DOCK3: variants seen among roughly 807,000 people sequenced by gnomAD.
DOCK3 encodes dedicator of cytokinesis protein 3.
DOCK3 carries 60 observed loss-of-function variants against 265.6 expected under a neutral mutation model. The ratio of observed to expected loss-of-function variants is 0.23; its 90% CI spans 0.18 to 0.28. The LOEUF is 0.28. DOCK3 is among the 10% of genes least tolerant of loss of function. The pLI is 1.00. For synonymous variants in DOCK3, 881 were observed against 938.0 expected (o/e 0.94, Z 1.11); for missense variants, 1,981 against 2,594.3 (o/e 0.76, Z 5.14).
intron 5 of DOCK3, among the ~76,000 whole-genome samples, chr3:51,049,954 AT>A (rs1437661436): frequency 2.0e-5 from 3 of 152,162 alleles, no homozygotes; most frequent in African/African-American, 7.2e-5. Context: ...AGAAAATCCC[AT>A]TTACAATAGC....
At position 51,021,142 on chromosome 3, in the gene DOCK3, C is replaced by A. The variant is rs543632263; in HGVS notation, c.316-43306C>A. 3.3e-5 allele frequency among the ~76,000 whole-genome samples: 5 copies of A among 151,860 alleles called. No homozygotes were observed. In the East Asian group the frequency reaches 7.7e-4, roughly 23 times the overall value. ...CATTTGTTTTGTCCTCTCTAATTTC[C>A]TTGAGCAGTGTTTTGTAGTTCTCCT... On this transcript the variant is annotated intron_variant, in intron 5 of 52. Coordinates refer to ENST00000266037, the MANE Select transcript of DOCK3 (RefSeq NM_004947.5).
At chr3:50,804,929 AT>A (rs2043324186) in intron 2 of DOCK3, among the ~76,000 whole-genome samples, 1 of 152,186 alleles carries the variant, frequency 6.6e-6, no homozygotes, top group African/African-American at 2.4e-5. Flanking sequence ...GATTTCCCCA[AT>A]TTTGTTGAAT....
At chr3:50,912,078 A>G (rs2049883026) in intron 4 of DOCK3, among the ~76,000 whole-genome samples, 2 of 151,994 alleles carry the variant, frequency 1.3e-5, no homozygotes, top group Non-Finnish European at 2.9e-5. Context: ...TTTCTGGTAG[A>G]GTTTGTAGAG....
chr3:51,214,279 G>T, intron 14 of DOCK3, 32 bp downstream of exon 14: 1 of 1,609,974 alleles, frequency 6.2e-7, no homozygotes, highest in South Asian at 1.1e-5. Flanking sequence ...TGGGAAGGAA[G>T]ATGGGTTAGG....
rs529096054 is a variant in DOCK3 at position 50,935,345 on chromosome 3, T to G, written c.315+1268T>G. ...TCCCCCTCCTACAGTAACAAGGGGA[T>G]GCCCCTCTCCAGTGGAGTCTGTAGA... On this transcript the variant is annotated intron_variant, in intron 5 of 52. Transcript: ENST00000266037. Among the ~76,000 whole-genome samples, 3 of 152,308 alleles carry G rather than the reference T, an allele frequency of 2.0e-5. No homozygotes were observed. The South Asian group carries it at 6.2e-4, about 32-fold the overall frequency.
intron 1 of DOCK3, among the ~76,000 whole-genome samples, chr3:50,743,264 G>T (rs1359806410): frequency 6.6e-6 from 1 of 151,980 alleles, no homozygotes; most frequent in Admixed American, 6.6e-5. Flanking sequence ...GACCATCGAG[G>T]CTAGGAAGAA....
Position 50,675,361 on chromosome 3 carries a change from C to T in DOCK3, c.37+61C>T. 1 of 1,175,438 alleles carries T rather than the reference C, an allele frequency of 8.5e-7. No homozygotes were observed. The highest frequency in any genetic ancestry group is 1.1e-6 in the Non-Finnish European group (1 of 940,870). 72.8% of individuals were successfully genotyped at this position (1,175,438 alleles called of 1,614,324 possible). On this transcript the variant is annotated intron_variant, in intron 1 of 52. Coordinates refer to ENST00000266037, the MANE Select transcript of DOCK3 (RefSeq NM_004947.5). This position sits in a 1 kb window ranked among gnomAD's most constrained non-coding sequence, Gnocchi z 6.1. ...CTGGGGGACGCGCCCAGCTCCCGGC[C>T]CCGCCTGGATTCGCATCCTCGTGCC...
intron 2 of DOCK3, among the ~76,000 whole-genome samples, chr3:50,802,420 A>C (rs1273922401): frequency 6.6e-6 from 1 of 152,092 alleles, no homozygotes; most frequent in Non-Finnish European, 1.5e-5. Context: ...TCCAGATATA[A>C]GACTCTCTTG....
intron 1 of DOCK3, among the ~76,000 whole-genome samples, chr3:50,690,109 CG>C (rs1423311018): frequency 6.7e-6 from 1 of 150,220 alleles, no homozygotes; most frequent in African/African-American, 2.4e-5. Flanking sequence ...GCAAAACGTA[CG>C]TAACATAAAA....
Position 51,353,132 on chromosome 3 carries a change from T to G in DOCK3, c.4108-1750T>G, listed in dbSNP as rs2110232046. On this transcript the variant is annotated intron_variant, in intron 40 of 52. Coordinates refer to ENST00000266037, the MANE Select transcript of DOCK3 (RefSeq NM_004947.5). The stretch of plus-strand genomic sequence containing the variant: ...ATGAGGGTTGTACATATGAATGATA[T>G]GAAAAGGCTAGTTCTTCACAAGTAC... Among the ~76,000 whole-genome samples, 2 of 152,368 alleles carry G rather than the reference T, an allele frequency of 1.3e-5. 1 individual carries two copies.
intron 1 of DOCK3, among the ~76,000 whole-genome samples, chr3:50,694,816 CAAACAAACAAAA>C (rs2035503576): frequency 6.6e-6 from 1 of 151,928 alleles, no homozygotes; most frequent in African/African-American, 2.4e-5. Flanking sequence ...TGTCTCAAAA[CAAACAAACAAAA>C]AAACAAATGA....
In DOCK3 at chr3:50,712,109, C is replaced by CA. The variant is rs2036811313; in HGVS notation, c.37+36815dup. 2.0e-5 allele frequency among the ~76,000 whole-genome samples: 3 copies of CA among 152,180 alleles called. No homozygotes were observed. The South Asian group carries it at 6.2e-4, about 32-fold the overall frequency. On this transcript the variant is annotated intron_variant, in intron 1 of 52. Transcript: ENST00000266037. ...GGCCTGTCACATTTATGGATCTTTTCAAAAAACCAACTTTCAGTTTTGCCA... is the reference window on the plus strand; with the variant it reads ...GGCCTGTCACATTTATGGATCTTTTCAAAAAAACCAACTTTCAGTTTTGCCA...
At chr3:51,146,448 T>C in intron 9 of DOCK3, 101 bp from the exon 10 acceptor site, 1 of 1,237,984 alleles carries the variant, frequency 8.1e-7, no homozygotes, top group South Asian at 1.4e-5. Context: ...CACTGCAAGC[T>C]GTTATGTAAA....
At chr3:51,080,998 G>GA (rs2082215928) in intron 7 of DOCK3, among the ~76,000 whole-genome samples, 2 of 151,722 alleles carry the variant, frequency 1.3e-5, no homozygotes, top group African/African-American at 2.4e-5. Flanking sequence ...AGCTGGTGGA[G>GA]ACTTGATTTT....
At chr3:50,727,877 A>G (rs1457293025) in intron 1 of DOCK3, among the ~76,000 whole-genome samples, 1 of 152,226 alleles carries the variant, frequency 6.6e-6, no homozygotes, top group African/African-American at 2.4e-5. Context: ...AGATTTTAAC[A>G]TCCGTTTTTT....
chr3:50,890,122 A>G, intron 4 of DOCK3, 41 bp downstream of exon 4: 1 of 1,365,254 alleles, frequency 7.3e-7, no homozygotes, highest in East Asian at 3.0e-5. Context: ...CAATTTTTAT[A>G]GGCTACAGAG....
chr3:51,357,802 T>C lies in DOCK3; in HGVS notation c.4728T>C (p.Ala1576=). Residue 1576 remains alanine (A), a synonymous_variant, in exon 45 of 53, where the codon GCT becomes GCC. Coordinates refer to ENST00000266037, the MANE Select transcript of DOCK3 (RefSeq NM_004947.5). ...ACATCAACAAGCACCCAGGAGATGCTGAGAAGATCACCCAGCTCAAGGAGC... is the reference window on the plus strand; with the variant it reads ...ACATCAACAAGCACCCAGGAGATGCCGAGAAGATCACCCAGCTCAAGGAGC... The part of the protein sequence containing the change: ...KDYINKHPGD[A]EKITQLKELM... 6.2e-7 allele frequency: 1 copy of C among 1,613,980 alleles called. No individual in the cohort carries two copies. Among genetic ancestry groups the C allele is most frequent in the East Asian group, 2.2e-5 (1 of 44,880 alleles).
chr3:51,199,423 G>A (rs191546948), intron 12 of DOCK3, among the ~76,000 whole-genome samples: 5 of 152,320 alleles, frequency 3.3e-5, no homozygotes, highest in African/African-American at 1.2e-4. Context: ...CACCCACGGA[G>A]TCTCGCTGAT....
intron 49 of DOCK3, among the ~76,000 whole-genome samples, chr3:51,363,554 G>A (rs1349685320): frequency 6.6e-6 from 1 of 152,200 alleles, no homozygotes; most frequent in African/African-American, 2.4e-5. Flanking sequence ...TTGTTACTAT[G>A]TATACATGTG....
Sources: gnomAD v4.1 joint callset for allele counts (sites outside exome capture counted in the v4.1 genomes callset) on GRCh38, gnomAD v4.1.1 for gene constraint, Gnocchi (gnomAD v3.1) non-coding constraint, MANE v1.5 for transcripts, NCBI Gene and HGNC (gene_info 2026-07-23, HGNC 2026-07-21) for gene names.